ARMH3: variants seen among roughly 807,000 people sequenced by gnomAD.
ARMH3 encodes armadillo like helical domain containing 3, also known as armadillo-like helical domain-containing protein 3.
A neutral mutation model predicts 99.1 loss-of-function variants in ARMH3; 60 were observed. The ratio of observed to expected loss-of-function variants is 0.61; its 90% CI spans 0.49 to 0.75. ARMH3 has a LOEUF of 0.75. ARMH3 is among the 30% of genes least tolerant of loss of function. The pLI, the probability that ARMH3 is intolerant of heterozygous loss-of-function variation, is 0.00. For missense variants in ARMH3, 679 were observed against 843.1 expected (o/e 0.81, Z 2.41); for synonymous variants, 285 against 292.8 (o/e 0.97, Z 0.27).
chr10:101,956,869 C>A, intron 21 of ARMH3, 146 bp from the exon 22 acceptor site: 3 of 614,276 alleles, frequency 4.9e-6, no homozygotes, highest in South Asian at 6.6e-5. Flanking sequence ...TTAAACACAG[C>A]CATTATTAAA....
intron 2 of ARMH3, 197 bp from the exon 3 acceptor site, chr10:102,033,536 A>G (rs933410433): frequency 5.6e-6 from 3 of 538,200 alleles, no homozygotes; most frequent in African/African-American, 1.9e-5. Flanking sequence ...CCCCCGCCTC[A>G]GCCTCCTGAG....
At chr10:101,939,370 A>G (rs1261354135) in intron 23 of ARMH3, among the ~76,000 whole-genome samples, 1 of 152,206 alleles carries the variant, frequency 6.6e-6, no homozygotes, top group African/African-American at 2.4e-5. Context: ...ACACAACTTT[A>G]TGCAATACAT....
At chr10:102,012,208 C>T (rs985968941) in intron 10 of ARMH3, among the ~76,000 whole-genome samples, 3 of 152,190 alleles carry the variant, frequency 2.0e-5, no homozygotes, top group Non-Finnish European at 4.4e-5. Flanking sequence ...AGTTCTGATA[C>T]CCAATTGTGT....
At chr10:102,040,891 T>C (rs1378866536) in intron 1 of ARMH3, among the ~76,000 whole-genome samples, 1 of 151,894 alleles carries the variant, frequency 6.6e-6, no homozygotes, top group African/African-American at 2.4e-5. Flanking sequence ...CCAAAGTAAG[T>C]AGGTCCTCGT....
At chr10:101,971,919 A>C (rs1054326515) in intron 20 of ARMH3, among the ~76,000 whole-genome samples, 3 of 152,246 alleles carry the variant, frequency 2.0e-5, no homozygotes, top group African/African-American at 4.8e-5. Flanking sequence ...CAAACTTTCT[A>C]TATGTGGTGA....
chr10:102,018,438 G>A (rs2066799373), intron 8 of ARMH3, among the ~76,000 whole-genome samples: 1 of 152,164 alleles, frequency 6.6e-6, no homozygotes, highest in South Asian at 2.1e-4. Context: ...GATTGCATAA[G>A]AAGATGTGAT....
chr10:101,943,515 C>G (rs142716459), intron 22 of ARMH3, among the ~76,000 whole-genome samples: 4 of 152,206 alleles, frequency 2.6e-5, no homozygotes, highest in Non-Finnish European at 4.4e-5. Context: ...CCAACTGATT[C>G]CACATAACAT....
intron 1 of ARMH3, among the ~76,000 whole-genome samples, chr10:102,051,628 C>T (rs1268429677): frequency 6.6e-6 from 1 of 152,180 alleles, no homozygotes; most frequent in East Asian, 1.9e-4. Context: ...AGCTTGTGTG[C>T]TCTAGACAAT....
chr10:102,008,448 A>G (rs2066553285), intron 13 of ARMH3, among the ~76,000 whole-genome samples: 1 of 152,182 alleles, frequency 6.6e-6, no homozygotes, highest in Non-Finnish European at 1.5e-5. Flanking sequence ...GTCCTCTTCT[A>G]TGCCAATTAC....
At chr10:102,023,620 G>C (rs1448764750) in intron 7 of ARMH3, 55 bp downstream of exon 7, 1 of 1,609,546 alleles carries the variant, frequency 6.2e-7, no homozygotes. Flanking sequence ...TGAGAACACA[G>C]AGAAAATTTG....
intron 20 of ARMH3, among the ~76,000 whole-genome samples, chr10:101,970,732 G>C (rs1845727439): frequency 6.6e-6 from 1 of 151,962 alleles, no homozygotes; most frequent in Admixed American, 6.6e-5. Context: ...GGCTGAGGTG[G>C]GAGGATCCAT....
intron 19 of ARMH3, among the ~76,000 whole-genome samples, chr10:101,985,281 T>TACGTATATACAC (rs1382008595): frequency 6.9e-6 from 1 of 144,818 alleles, no homozygotes; most frequent in South Asian, 2.2e-4. Flanking sequence ...TATGTGTATA[T>TACGTATATACAC]ACGTATATAC....
At chr10:101,915,033 A>G (rs749205427) in intron 23 of ARMH3, among the ~76,000 whole-genome samples, 1 of 152,156 alleles carries the variant, frequency 6.6e-6, no homozygotes, top group African/African-American at 2.4e-5. Context: ...ATAAGAAACC[A>G]TTTGACATAG....
chr10:101,864,068 A>ACAC (rs1480328603), intron 24 of ARMH3, among the ~76,000 whole-genome samples: 5 of 126,154 alleles, frequency 4.0e-5, no homozygotes, highest in South Asian at 2.4e-4. Context: ...CTCAAAAAAA[A>ACAC]AAAAAAAAAA....
intron 25 of ARMH3, 43 bp from the exon 26 acceptor site, chr10:101,847,663 G>A: frequency 6.5e-7 from 1 of 1,548,342 alleles, no homozygotes; most frequent in East Asian, 2.2e-5. Flanking sequence ...CGCAGCCAGA[G>A]AGAAAACAGG....
chr10:102,041,090 A>ATATATATATATATATAATATATATATAT (rs1554897209), intron 1 of ARMH3, among the ~76,000 whole-genome samples: 1 of 132,642 alleles, frequency 7.5e-6, no homozygotes, highest in Non-Finnish European at 1.6e-5. Flanking sequence ...ATATATATAT[A>ATATATATATATATATAATATATATATAT]ATATATATAT....
rs765651059 is a variant in ARMH3, at chr10:102,040,095, C to T, written c.20G>A (p.Arg7His). The T allele has an allele frequency of 3.7e-6, 6 of 1,614,044 alleles. No homozygotes were observed. Among genetic ancestry groups the T allele is most frequent in the South Asian group, 1.1e-5 (1 of 91,084 alleles). ...TGAAGATTTCCGGAGCAAACCTCCA[C>T]GTTTCTCTACCTGTGCCATGGTTAG... is the stretch of plus-strand genomic sequence containing the variant. MAQVEK[R>H]GGLLRKSSAS... is the part of the protein sequence containing the mutation. The change falls in exon 2 of 26, where the codon CGT (arginine) becomes CAT (histidine). Residue 7 changes from arginine (R) to histidine (H), a missense_variant. Physicochemically the swap from Arg to His is conservative, Grantham distance 29. Around this residue, in one of 3 missense-constraint regions of ARMH3, gnomAD observed 280 missense variants for 354.6 expected, o/e 0.79. Coordinates refer to ENST00000370033, the MANE Select transcript of ARMH3 (RefSeq NM_024541.3).
intron 5 of ARMH3, among the ~76,000 whole-genome samples, chr10:102,026,792 G>GT (rs1260836749): frequency 6.6e-6 from 1 of 152,180 alleles, no homozygotes; most frequent in East Asian, 1.9e-4. Context: ...ACACACTAGC[G>GT]TAAGATATAT....
chr10:101,853,421 G>A (rs1369439018), intron 24 of ARMH3, among the ~76,000 whole-genome samples: 1 of 152,186 alleles, frequency 6.6e-6, no homozygotes, highest in Non-Finnish European at 1.5e-5. Context: ...TCAGACTTAA[G>A]GAACATGTCT....
Sources: allele counts gnomAD v4.1 joint callset (sites outside exome capture counted in the v4.1 genomes callset), GRCh38; gene constraint gnomAD v4.1.1; regional missense constraint gnomAD v4.1.1; transcripts MANE v1.5; gene names NCBI Gene and HGNC (gene_info 2026-07-23, HGNC 2026-07-21).